Variants in TXNDC11 observed in about 807,000 individuals in gnomAD.
TXNDC11 encodes the protein thioredoxin domain containing 11, also known as thioredoxin domain-containing protein 11.
TXNDC11 carries 68 observed loss-of-function variants against 78.0 expected under a neutral mutation model. The observed-to-expected ratio is 0.87, with a 90% CI of 0.72 to 1.07. The LOEUF (loss-of-function observed/expected upper bound fraction) is 1.07, where lower values mean the gene tolerates loss of function less well. Among genes scored for constraint, TXNDC11 ranks in the 50% least tolerant of loss-of-function variants. The pLI is 0.00. For missense variants in TXNDC11, 1,389 were observed against 1,221.8 expected (o/e 1.14, Z -2.04); for synonymous variants, 571 against 495.2 (o/e 1.15, Z -2.03).
At chr16:11,694,889 T>C (rs1468595852) in intron 7 of TXNDC11, among the ~76,000 whole-genome samples, 1 of 152,280 alleles carries the variant, frequency 6.6e-6, no homozygotes. Flanking sequence ...ATGTCATTTA[T>C]TTCATGTGAA....
Position 11,679,600 on chromosome 16 carries a change from C to T in TXNDC11, c.2472G>A (p.Val824=), listed in dbSNP as rs2050365431. Residue 824 remains valine, a synonymous_variant, in exon 12 of 12, where the codon GTG becomes GTA. Coordinates refer to ENST00000283033, the MANE Select transcript of TXNDC11 (RefSeq NM_015914.7). This position sits in a 1 kb window ranked among gnomAD's most constrained non-coding sequence, Gnocchi z 4.6. The part of the protein sequence containing the change: ...ISSLQRAQVQ[V]ESQLSSARRD... ...TGCGGGCACTGGAGAGCTGGGACTC[C>T]ACCTGCACTTGTGCTCGCTGGAGGC... 1.2e-6 allele frequency: 2 copies of T among 1,614,170 alleles called. No individual in the cohort carries two copies. The highest frequency in any genetic ancestry group is 1.1e-5 in the South Asian group (1 of 91,080).
At chr16:11,709,935 C>T (rs1410753273) in intron 5 of TXNDC11, among the ~76,000 whole-genome samples, 1 of 152,170 alleles carries the variant, frequency 6.6e-6, no homozygotes, top group East Asian at 1.9e-4. Context: ...TCAATTCAGG[C>T]CAGGCACAGT....
chr16:11,734,909 C>T (rs1345870564), intron 2 of TXNDC11, among the ~76,000 whole-genome samples: 2 of 152,286 alleles, frequency 1.3e-5, no homozygotes, highest in African/African-American at 4.8e-5. Context: ...ACAGTGCATA[C>T]GTAGGGCAGG....
At position 11,691,494 on chromosome 16, in the gene TXNDC11, T is replaced by C. The variant is rs1567299457; in HGVS notation, c.1696A>G (p.Ser566Gly). The C allele has an allele frequency of 1.2e-6, 2 of 1,614,226 alleles. No homozygotes were observed. The highest frequency in any genetic ancestry group is 1.7e-5 in the Admixed American group (1 of 60,028). Residue 566 changes from serine (S) to glycine (G), a missense_variant, in exon 8 of 12, where the codon AGC becomes GGC. Ser to Gly is a moderately conservative substitution (Grantham distance 56). Coordinates refer to ENST00000283033, the MANE Select transcript of TXNDC11 (RefSeq NM_015914.7). The stretch of plus-strand genomic sequence containing the variant: ...CAGCTCAGGCCTGTGAAGTTTGTGC[T>C]AGTCATGTCCACTTCTGGAAAGAGA... ...RYLFPEVDMT[S>G]TNFTGLSCRT...
intron 8 of TXNDC11, chr16:11,690,901 A>T (rs1597413877): frequency 4.9e-6 from 1 of 204,284 alleles, no homozygotes; most frequent in East Asian, 1.4e-4. Flanking sequence ...AGCTGCTGTC[A>T]AGGCTCACTT....
Position 11,736,012 on chromosome 16 carries a change from AT to A in TXNDC11, c.471+4del, listed in dbSNP as rs751105456. The stretch of plus-strand genomic sequence containing the variant: ...TTTGATTCTTAAGCTGAATGTGAGC[AT>A]TACCTGATCTGAAAGCCGACTTGCT... On this transcript the variant is annotated splice_donor_region_variant and intron_variant, in intron 2 of 11. Transcript: ENST00000283033. 39 of 1,613,234 alleles carry A rather than the reference AT, an allele frequency of 2.4e-5. No individual in the cohort carries two copies. The highest frequency in any genetic ancestry group is 3.3e-5 in the Non-Finnish European group (39 of 1,179,902).
intron 6 of TXNDC11, among the ~76,000 whole-genome samples, chr16:11,699,247 G>GT (rs34434416): frequency 0.54 from 81,535 of 151,994 alleles, 22,202 homozygotes; most frequent in Middle Eastern, 0.64. Context: ...AATCGAAGCA[G>GT]AAACCTGATA....
At chr16:11,703,919 C>A (rs1345706784) in intron 5 of TXNDC11, among the ~76,000 whole-genome samples, 2 of 152,146 alleles carry the variant, frequency 1.3e-5, no homozygotes, top group Non-Finnish European at 2.9e-5. Flanking sequence ...TAGTGAAACC[C>A]CATCTCTACT....
chr16:11,712,147 CAATTTAAAAGGGT>C (rs1355429426), intron 5 of TXNDC11, among the ~76,000 whole-genome samples: 1 of 152,090 alleles, frequency 6.6e-6, no homozygotes, highest in Admixed American at 6.6e-5. Context: ...CTAAAAGAGT[CAATTTAAAAGGGT>C]AGAAAATATC....
At chr16:11,697,056 G>T (rs1185830525) in intron 7 of TXNDC11, among the ~76,000 whole-genome samples, 1 of 152,196 alleles carries the variant, frequency 6.6e-6, no homozygotes, top group African/African-American at 2.4e-5. Flanking sequence ...TATCCATGTA[G>T]TGAAAATTTT....
rs532840100 is a variant in TXNDC11 at position 11,683,609 on chromosome 16, C to T, written c.2234+556G>A. On this transcript the variant is annotated intron_variant, in intron 11 of 11. Transcript: ENST00000283033. ...TCAGTCTCTGCGTCCTCCATATGTT[C>T]ATACAGGCCATGAAAGCTAAGAATT... Among the ~76,000 whole-genome samples the T allele has an allele frequency of 3.9e-5, 6 of 152,260 alleles. No homozygotes were observed. The South Asian group carries it at 1.2e-3, about 32-fold the overall frequency.
intron 1 of TXNDC11, among the ~76,000 whole-genome samples, 166 bp from the exon 2 acceptor site, chr16:11,736,399 C>T (rs575485796): frequency 6.6e-6 from 1 of 152,350 alleles, no homozygotes; most frequent in South Asian, 2.1e-4. Flanking sequence ...AAATGCAAGA[C>T]ATGAATAATA....
intron 2 of TXNDC11, among the ~76,000 whole-genome samples, chr16:11,735,760 A>C (rs943291142): frequency 6.6e-6 from 1 of 152,218 alleles, no homozygotes; most frequent in East Asian, 1.9e-4. Flanking sequence ...TGCTGAAACC[A>C]AACAGTATGG....
rs772846078 is a variant in TXNDC11 at position 11,691,545 on chromosome 16, C to G, written c.1645G>C (p.Val549Leu). Residue 549 changes from valine (V) to leucine (L), a missense_variant, in exon 8 of 12, where the codon GTT becomes CTT. Transcript: ENST00000283033. ...TACCTGTTCTCCTCAATGTGAGGAA[C>G]GGAGCTTGGGGCATCAACCTCACAT... ...KKCEVDAPSS[V>L]PHIEENRYLF... The G allele has an allele frequency of 3.7e-6, 6 of 1,614,042 alleles. No individual in the cohort carries two copies. Among genetic ancestry groups the G allele is most frequent in the Non-Finnish European group, 5.1e-6 (6 of 1,180,018 alleles).
At position 11,679,352 on chromosome 16, in the gene TXNDC11, C is replaced by A. The variant is rs1035995585; in HGVS notation, c.2720G>T (p.Gly907Val). The part of the protein sequence containing the change: ...LVATMERKLE[G>V]RDGAESLAAQ... ...CGCCAGGCTTTCAGCTCCATCCCTG[C>A]CCTCCAGTTTCCTCTCCATGGTCGC... The change falls in exon 12 of 12, where the codon GGC becomes GTC. Residue 907 changes from glycine (G) to valine (V), a missense_variant. Physicochemically the swap from Gly to Val is moderately radical, Grantham distance 109. Transcript: ENST00000283033. This position sits in a 1 kb window ranked among gnomAD's most constrained non-coding sequence, Gnocchi z 4.6. 1 of 1,611,948 alleles carries A rather than the reference C, an allele frequency of 6.2e-7. No homozygotes were observed. Among genetic ancestry groups the A allele is most frequent in the Non-Finnish European group, 8.5e-7 (1 of 1,179,218 alleles).
chr16:11,679,321 C>G lies in TXNDC11; in HGVS notation c.2751G>C (p.Gln917His), dbSNP rs556899830. The stretch of plus-strand genomic sequence containing the variant: ...CAGGCTGCTTGGGGTGGACCTCTCT[C>G]TGGGCCGCCAGGCTTTCAGCTCCAT... ...GRDGAESLAA[Q>H]REVHPKQPEP... is the part of the protein sequence containing the mutation. Residue 917 changes from glutamine to histidine, a missense_variant, in exon 12 of 12, where the codon CAG (glutamine) becomes CAC (histidine). Physicochemically the swap from Gln to His is conservative, Grantham distance 24. Transcript: ENST00000283033. The surrounding 1 kb of genome is among the most constrained non-coding windows in gnomAD (Gnocchi z 4.6). 2.4e-5 allele frequency: 39 copies of G among 1,612,644 alleles called. No individual in the cohort carries two copies. The East Asian group carries it at 7.8e-4, about 32-fold the overall frequency.
rs1272711438 is a variant in TXNDC11, at chr16:11,742,599, C to G, written c.132G>C (p.Ser44=). ...GCAGCCCGCGACGGAGCCGGCCCGC[C>G]GAGGACGCTGTGGCCAGGGTCGGGC... is the stretch of plus-strand genomic sequence containing the variant. The part of the protein sequence containing the change: ...SSSPTLATAS[S]AGRLRRGLRG... The change falls in exon 1 of 12, where the codon TCG becomes TCC. Residue 44 remains serine, a synonymous_variant. Coordinates refer to ENST00000283033, the MANE Select transcript of TXNDC11 (RefSeq NM_015914.7). The G allele has an allele frequency of 3.4e-6, 5 of 1,459,012 alleles. No individual in the cohort carries two copies. Among genetic ancestry groups the G allele is most frequent in the Non-Finnish European group, 3.6e-6 (4 of 1,111,704 alleles). The allele number at this position is 1,459,012 out of a possible 1,614,324, so 90.4% of individuals were successfully genotyped here.
At chr16:11,707,465 T>A (rs1275232726) in intron 5 of TXNDC11, among the ~76,000 whole-genome samples, 1 of 151,754 alleles carries the variant, frequency 6.6e-6, no homozygotes, top group Non-Finnish European at 1.5e-5. Flanking sequence ...TTTTTTTTTT[T>A]AAAGACAGAG....
chr16:11,716,712 T>C (rs530906007), intron 5 of TXNDC11, among the ~76,000 whole-genome samples: 5 of 152,334 alleles, frequency 3.3e-5, no homozygotes, highest in African/African-American at 1.2e-4. Context: ...TCAATTTATA[T>C]ATTTAACATA....
Sources: gnomAD v4.1 joint callset for allele counts (sites outside exome capture counted in the v4.1 genomes callset) on GRCh38, gnomAD v4.1.1 for gene constraint, Gnocchi (gnomAD v3.1) non-coding constraint, MANE v1.5 for transcripts, NCBI Gene and HGNC (gene_info 2026-07-23, HGNC 2026-07-21) for gene names.